Variants in RTN1 observed in about 807,000 individuals in gnomAD.
The protein encoded by RTN1 is reticulon-1.
Under a neutral mutation model 65.5 loss-of-function variants are expected in RTN1, and 25 were observed. The observed-to-expected ratio is 0.38, with a 90% CI of 0.28 to 0.53. RTN1 has a LOEUF of 0.53. Ranked by LOEUF, RTN1 falls within the 20% of genes least tolerant of loss-of-function variation. RTN1 has a pLI of 0.79. For missense variants in RTN1, 983 were observed against 1,025.4 expected, an observed-to-expected ratio of 0.96 and a Z score of 0.57; for synonymous variants, 471 against 447.6, an observed-to-expected ratio of 1.05 and a Z score of -0.66.
In RTN1 at chr14:59,746,349, C is replaced by T; in HGVS notation, c.374G>A (p.Gly125Glu). ...PPQEDSTYFT[G>E]ILQKENGHVT... ...GTGGCCATTTTCCTTCTGAAGAATT[C>T]CAGTAAAATATGTAGAATCCTCCTG... Residue 125 changes from glycine to glutamate, a missense_variant, in exon 2 of 9, where the codon GGA becomes GAA. By Grantham distance (98) the Gly-to-Glu change is moderately conservative (BLOSUM62 -2). This residue lies in a region of RTN1 where 818 missense variants were observed against 801.8 expected (regional missense o/e 1.02). Transcript: ENST00000267484. 1 of 1,614,096 alleles carries T rather than the reference C, an allele frequency of 6.2e-7. No individual in the cohort carries two copies. Among genetic ancestry groups the T allele is most frequent in the Non-Finnish European group, 8.5e-7 (1 of 1,180,016 alleles).
At chr14:59,622,898 A>G (rs1882295311) in intron 3 of RTN1, among the ~76,000 whole-genome samples, 1 of 152,114 alleles carries the variant, frequency 6.6e-6, no homozygotes, top group African/African-American at 2.4e-5. Flanking sequence ...CTTCCCTCAC[A>G]CCTCCTAACT....
chr14:59,635,446 C>T (rs2140188019), intron 3 of RTN1, among the ~76,000 whole-genome samples: 1 of 151,872 alleles, frequency 6.6e-6, no homozygotes, highest in South Asian at 2.1e-4. Context: ...AAATGCTGGA[C>T]ATAAAAATTA....
At chr14:59,817,344 C>G (rs115501978) in intron 1 of RTN1, among the ~76,000 whole-genome samples, 1 of 152,150 alleles carries the variant, frequency 6.6e-6, no homozygotes, top group Non-Finnish European at 1.5e-5. Context: ...AGGGGGAAAA[C>G]TGCATTTTTT....
intron 3 of RTN1, among the ~76,000 whole-genome samples, chr14:59,648,444 G>C (rs1431367607): frequency 1.3e-5 from 2 of 152,252 alleles, no homozygotes; most frequent in Non-Finnish European, 2.9e-5. Context: ...AATTCTGTGA[G>C]GCCAGCATCA....
intron 3 of RTN1, among the ~76,000 whole-genome samples, chr14:59,673,975 T>C (rs2062236698): frequency 6.6e-6 from 1 of 152,208 alleles, no homozygotes; most frequent in South Asian, 2.1e-4. Flanking sequence ...CTTGTATTCA[T>C]GGTATTTGTG....
intron 1 of RTN1, among the ~76,000 whole-genome samples, chr14:59,828,937 A>G (rs1044787559): frequency 2.6e-5 from 4 of 152,156 alleles, no homozygotes; most frequent in Non-Finnish European, 4.4e-5. Context: ...TGCCTAATGG[A>G]ATCTCTCTCT....
Position 59,816,688 on chromosome 14 carries a change from C to G in RTN1, c.241+53702G>C, listed in dbSNP as rs1439152482. On this transcript the variant is annotated intron_variant, in intron 1 of 8. Transcript: ENST00000267484. This position sits in a 1 kb window ranked among gnomAD's most constrained non-coding sequence, Gnocchi z 4.3. The stretch of plus-strand genomic sequence containing the variant: ...GTGGCTCATGCCTGTAATCCCAGCA[C>G]TTTAGGAGGCCGAGGCTGGCGAATC... Among the ~76,000 whole-genome samples the G allele has an allele frequency of 6.6e-6, 1 of 152,102 alleles. No homozygotes were observed. The highest frequency in any genetic ancestry group is 1.5e-5 in the Non-Finnish European group (1 of 68,016).
chr14:59,700,503 T>C (rs1430765580), intron 3 of RTN1, among the ~76,000 whole-genome samples: 14 of 152,158 alleles, frequency 9.2e-5, no homozygotes, highest in African/African-American at 3.1e-4. Flanking sequence ...CAAGATAATA[T>C]GATACTAGCA....
chr14:59,749,937 A>G (rs948857063), intron 1 of RTN1, among the ~76,000 whole-genome samples: 2 of 110,616 alleles, frequency 1.8e-5, no homozygotes, highest in Non-Finnish European at 3.4e-5. Flanking sequence ...TGGTTCAAAT[A>G]TATATATATT....
intron 1 of RTN1, among the ~76,000 whole-genome samples, chr14:59,842,145 G>GA (rs747807111): frequency 0.028 from 3,441 of 124,210 alleles, 88 homozygotes; most frequent in African/African-American, 0.083. Flanking sequence ...TTTTAAAAAA[G>GA]AAAAAAAAAA....
chr14:59,801,799 A>G (rs952965325), intron 1 of RTN1, among the ~76,000 whole-genome samples: 6 of 152,206 alleles, frequency 3.9e-5, no homozygotes, highest in South Asian at 2.1e-4. Flanking sequence ...ATGGACTATG[A>G]TAAGTTAAAG....
chr14:59,855,821 G>C (rs1279687715), intron 1 of RTN1, among the ~76,000 whole-genome samples: 1 of 152,180 alleles, frequency 6.6e-6, no homozygotes, highest in Non-Finnish European at 1.5e-5. Flanking sequence ...CTAGTGCTGG[G>C]TGTCTCTTAC....
At chr14:59,824,036 C>T (rs1459526863) in intron 1 of RTN1, among the ~76,000 whole-genome samples, 1 of 152,220 alleles carries the variant, frequency 6.6e-6, no homozygotes, top group African/African-American at 2.4e-5. Context: ...ATTACCTCCT[C>T]TAAGCTTAAG....
chr14:59,737,704 A>G (rs1885029181), intron 2 of RTN1, among the ~76,000 whole-genome samples: 1 of 152,260 alleles, frequency 6.6e-6, no homozygotes. Context: ...AGAATAGCCA[A>G]GACAATCCTA....
intron 3 of RTN1, among the ~76,000 whole-genome samples, chr14:59,680,499 G>C (rs997015915): frequency 6.6e-6 from 1 of 152,178 alleles, no homozygotes; most frequent in African/African-American, 2.4e-5. Context: ...TAAAATACAA[G>C]GTTAGTGCCA....
intron 3 of RTN1, among the ~76,000 whole-genome samples, chr14:59,638,071 C>T (rs1173491284): frequency 2.0e-5 from 3 of 152,050 alleles, no homozygotes; most frequent in South Asian, 2.1e-4. Flanking sequence ...AGGCTGGCCT[C>T]GAACTCCTGA....
intron 8 of RTN1, 70 bp downstream of exon 8, chr14:59,602,995 C>A: frequency 8.3e-7 from 1 of 1,208,380 alleles, no homozygotes; most frequent in South Asian, 1.3e-5. Flanking sequence ...TCTCATTACC[C>A]CTATCCTAAT....
chr14:59,619,823 A>G lies in RTN1; in HGVS notation c.1766-12331T>C, dbSNP rs571140354. 2.6e-5 allele frequency among the ~76,000 whole-genome samples: 4 copies of G among 152,330 alleles called. No individual in the cohort carries two copies. The South Asian group carries it at 6.2e-4, about 24-fold the overall frequency. ...AGCTACAGTGTGGAATGCTGTAGAC[A>G]TAACAAGGAAATGGAAATGTAGAAA... is the stretch of plus-strand genomic sequence containing the variant. On this transcript the variant is annotated intron_variant, in intron 3 of 8. Transcript: ENST00000267484.
chr14:59,710,748 A>G (rs989275882), intron 3 of RTN1, among the ~76,000 whole-genome samples: 2 of 152,230 alleles, frequency 1.3e-5, no homozygotes, highest in African/African-American at 4.8e-5. Context: ...AGGACAGCCC[A>G]TCTGAGTGGC....
Sources: gnomAD v4.1 joint callset for allele counts (sites outside exome capture counted in the v4.1 genomes callset) on GRCh38, gnomAD v4.1.1 for gene constraint, gnomAD v4.1.1 regional missense constraint, Gnocchi (gnomAD v3.1) non-coding constraint, MANE v1.5 for transcripts, NCBI Gene and HGNC (gene_info 2026-07-23, HGNC 2026-07-21) for gene names.